Variants in NBAS observed in about 807,000 individuals in gnomAD.
NBAS encodes the protein NBAS subunit of NRZ tethering complex.
NBAS carries 219 observed loss-of-function variants against 302.5 expected under a neutral mutation model. That is an observed-to-expected ratio of 0.72 (90% CI 0.65 to 0.81). The LOEUF is 0.81. NBAS is among the 30% of genes least tolerant of loss of function. The pLI, the probability that NBAS is intolerant of heterozygous loss-of-function variation, is 0.00. For synonymous variants in NBAS, 1,118 were observed against 1,021.6 expected (o/e 1.09, Z -1.80); for missense variants, 2,932 against 2,841.6 (o/e 1.03, Z -0.72).
At chr2:15,292,841 A>C (rs1400881489) in intron 40 of NBAS, 75 bp from the exon 41 acceptor site, 47 of 1,384,732 alleles carry the variant, frequency 3.4e-5, no homozygotes, top group Non-Finnish European at 4.5e-5. Context: ...AAATGGAAGA[A>C]GACCATGTCT....
At chr2:15,057,773 G>A in the NBAS span, among the ~76,000 whole-genome samples, 70 of 152,182 alleles carry the variant, frequency 4.6e-4, no homozygotes, top group Non-Finnish European at 7.9e-4. Flanking sequence ...TTTTATGGCT[G>A]AGTAGTATTC....
intron 12 of NBAS, among the ~76,000 whole-genome samples, chr2:15,487,765 G>A (rs980936140): frequency 6.6e-6 from 1 of 152,156 alleles, no homozygotes; most frequent in Non-Finnish European, 1.5e-5. Context: ...TCAGAGCAGA[G>A]AGAAAGACTG....
chr2:15,489,576 T>C (rs1680770991), intron 11 of NBAS, among the ~76,000 whole-genome samples: 1 of 152,198 alleles, frequency 6.6e-6, no homozygotes, highest in Non-Finnish European at 1.5e-5. Flanking sequence ...AGAAATGCTA[T>C]GAATGTTTAC....
chr2:15,482,691 T>C (rs961643940), intron 12 of NBAS, among the ~76,000 whole-genome samples: 4 of 152,108 alleles, frequency 2.6e-5, no homozygotes, highest in Non-Finnish European at 2.9e-5. Context: ...TTTGATTTTT[T>C]TTTTTTTTTT....
At chr2:14,934,408 A>C in the NBAS span, among the ~76,000 whole-genome samples, 1 of 152,144 alleles carries the variant, frequency 6.6e-6, no homozygotes, top group Non-Finnish European at 1.5e-5. Flanking sequence ...GTACTACATT[A>C]AGTATTACTT....
chr2:14,784,913 A>G, the NBAS span, among the ~76,000 whole-genome samples: 1 of 152,188 alleles, frequency 6.6e-6, no homozygotes, highest in Admixed American at 6.5e-5. Flanking sequence ...CTTGGGCAGT[A>G]AGGCAATTTT....
At chr2:14,810,169 G>A in the NBAS span, among the ~76,000 whole-genome samples, 1 of 152,188 alleles carries the variant, frequency 6.6e-6, no homozygotes, top group African/African-American at 2.4e-5. Context: ...GCTGTAATGA[G>A]TTAAGACTTT....
the NBAS span, among the ~76,000 whole-genome samples, chr2:15,160,048 C>T: frequency 8.5e-5 from 13 of 152,136 alleles, no homozygotes; most frequent in African/African-American, 2.7e-4. Flanking sequence ...CCAATCCAGA[C>T]AGGATGTAAA....
chr2:15,461,127 T>G, intron 21 of NBAS, 74 bp downstream of exon 21: 1 of 1,326,940 alleles, frequency 7.5e-7, no homozygotes, highest in South Asian at 1.3e-5. Context: ...TTTTTTAACT[T>G]TAAGGTGTTC....
chr2:15,208,306 G>A (rs372433390), intron 48 of NBAS, among the ~76,000 whole-genome samples: 20 of 152,266 alleles, frequency 1.3e-4, no homozygotes, highest in African/African-American at 4.3e-4. Flanking sequence ...TCACTACCAC[G>A]AGAACAGTAT....
At chr2:15,276,751 A>T in intron 43 of NBAS, 100 bp downstream of exon 43, 2 of 1,566,600 alleles carry the variant, frequency 1.3e-6, no homozygotes, top group Non-Finnish European at 1.8e-6. Flanking sequence ...GTGGTTTCAG[A>T]GCTCTGCAAC....
intron 40 of NBAS, among the ~76,000 whole-genome samples, chr2:15,295,825 C>T (rs1670524746): frequency 6.6e-6 from 1 of 152,078 alleles, no homozygotes; most frequent in African/African-American, 2.4e-5. Context: ...ATTGCAGCTT[C>T]CCCACTCAGT....
At chr2:14,954,359 A>C in the NBAS span, among the ~76,000 whole-genome samples, 1 of 152,194 alleles carries the variant, frequency 6.6e-6, no homozygotes, top group Non-Finnish European at 1.5e-5. Context: ...AATGCTTCCC[A>C]TGCATTTGGA....
intron 44 of NBAS, among the ~76,000 whole-genome samples, chr2:15,274,890 G>A (rs757149121): frequency 4.6e-5 from 7 of 151,622 alleles, no homozygotes; most frequent in East Asian, 1.9e-4. Flanking sequence ...TCAGCCTCCC[G>A]AGTAGCTGGG....
chr2:15,558,142 C>A (rs1573014997), intron 2 of NBAS, among the ~76,000 whole-genome samples: 1 of 152,206 alleles, frequency 6.6e-6, no homozygotes, highest in Non-Finnish European at 1.5e-5. Context: ...CAACCTAGAT[C>A]CCTCACACGT....
chr2:14,966,412 C>G, the NBAS span, among the ~76,000 whole-genome samples: 1 of 152,176 alleles, frequency 6.6e-6, no homozygotes, highest in Non-Finnish European at 1.5e-5. Context: ...TCAGTATATG[C>G]AGAGGATTGG....
intron 42 of NBAS, among the ~76,000 whole-genome samples, chr2:15,280,558 C>A (rs1296656475): frequency 6.6e-6 from 1 of 152,162 alleles, no homozygotes; most frequent in East Asian, 1.9e-4. Flanking sequence ...GAGGCTCAGA[C>A]AAAAATCACA....
chr2:14,851,117 T>C, the NBAS span, among the ~76,000 whole-genome samples: 1 of 130,550 alleles, frequency 7.7e-6, no homozygotes, highest in Non-Finnish European at 1.5e-5. Context: ...CAAAAAACCC[T>C]TCAAAAAATC....
chr2:15,526,238 G>A (rs1662907027), intron 9 of NBAS, among the ~76,000 whole-genome samples: 1 of 152,142 alleles, frequency 6.6e-6, no homozygotes, highest in Non-Finnish European at 1.5e-5. Context: ...CATTCATTAG[G>A]CTGTGAGTTA....
Sources: allele counts gnomAD v4.1 joint callset (sites outside exome capture counted in the v4.1 genomes callset), GRCh38; gene constraint gnomAD v4.1.1; transcripts MANE v1.5; gene names NCBI Gene and HGNC (gene_info 2026-07-23, HGNC 2026-07-21).